The following ROBO1 variants were observed in gnomAD, a reference collection of about 807,000 sequenced individuals.
ROBO1 encodes the protein roundabout homolog 1.
Under a neutral mutation model 195.9 loss-of-function variants are expected in ROBO1, and 149 were observed. That is an observed-to-expected ratio of 0.76 (90% CI 0.67 to 0.87). The LOEUF (loss-of-function observed/expected upper bound fraction) is 0.87, where lower values mean the gene tolerates loss of function less well. Ranked by LOEUF, ROBO1 falls within the 40% of genes least tolerant of loss-of-function variation. ROBO1 has a pLI of 0.00. For synonymous variants in ROBO1, 816 were observed against 733.2 expected, an observed-to-expected ratio of 1.11 and a Z score of -1.82; for missense variants, 1,933 against 2,068.3, an observed-to-expected ratio of 0.93 and a Z score of 1.27.
chr3:78,691,049 T>G (rs9309813), intron 8 of ROBO1, among the ~76,000 whole-genome samples: 4,185 of 152,204 alleles, frequency 0.027, 185 homozygotes, highest in African/African-American at 0.096. Context: ...ACATCAACAG[T>G]GACATCAGCC....
chr3:78,891,991 C>A (rs72896497), intron 4 of ROBO1, among the ~76,000 whole-genome samples: 6,320 of 152,250 alleles, frequency 0.042, 381 homozygotes, highest in African/African-American at 0.13. Context: ...TGTTCTATTT[C>A]TTGACTTGTG....
intron 1 of ROBO1, among the ~76,000 whole-genome samples, chr3:79,609,877 G>T (rs1451504036): frequency 1.3e-5 from 2 of 151,818 alleles, no homozygotes; most frequent in African/African-American, 4.8e-5. Flanking sequence ...TGTTTAAAGG[G>T]TATATGATTT....
At chr3:79,651,660 C>T (rs1453918000) in intron 1 of ROBO1, among the ~76,000 whole-genome samples, 2 of 152,102 alleles carry the variant, frequency 1.3e-5, no homozygotes, top group African/African-American at 4.8e-5. Context: ...GCACTGCTTC[C>T]CTCCAGATTA....
chr3:79,093,375 A>G (rs1276124067), intron 3 of ROBO1, among the ~76,000 whole-genome samples: 1 of 152,136 alleles, frequency 6.6e-6, no homozygotes, highest in African/African-American at 2.4e-5. Context: ...GTTTACTAAA[A>G]TGTAAGTTAA....
chr3:78,754,069 GT>G (rs1467872684), intron 4 of ROBO1, among the ~76,000 whole-genome samples: 1 of 152,098 alleles, frequency 6.6e-6, no homozygotes, highest in Non-Finnish European at 1.5e-5. Flanking sequence ...TAACAGGTAC[GT>G]TCACAATGAC....
chr3:79,252,962 C>T (rs777548010), intron 2 of ROBO1, among the ~76,000 whole-genome samples: 4 of 152,106 alleles, frequency 2.6e-5, no homozygotes. Context: ...AACTGGCCTA[C>T]ATGAATCAGC....
At chr3:78,741,911 T>C (rs2082542252) in intron 5 of ROBO1, among the ~76,000 whole-genome samples, 1 of 152,152 alleles carries the variant, frequency 6.6e-6, no homozygotes, top group South Asian at 2.1e-4. Flanking sequence ...AAAAAAGTTC[T>C]AAAAGACTCT....
At chr3:79,504,976 A>G (rs1431610336) in intron 2 of ROBO1, among the ~76,000 whole-genome samples, 1 of 152,068 alleles carries the variant, frequency 6.6e-6, no homozygotes, top group Non-Finnish European at 1.5e-5. Context: ...TAGAAGGTAT[A>G]TCCCATTTTG....
At chr3:78,868,190 A>C (rs548466092) in intron 4 of ROBO1, among the ~76,000 whole-genome samples, 5 of 152,304 alleles carry the variant, frequency 3.3e-5, no homozygotes, top group African/African-American at 1.2e-4. Flanking sequence ...GGAGCTGCCA[A>C]GATGTGATAA....
intron 5 of ROBO1, among the ~76,000 whole-genome samples, chr3:78,729,880 T>C (rs1387875348): frequency 6.6e-6 from 1 of 152,226 alleles, no homozygotes; most frequent in East Asian, 1.9e-4. Context: ...TAATGTATTA[T>C]TTCCTTCACA....
intron 4 of ROBO1, among the ~76,000 whole-genome samples, chr3:78,769,618 G>GTTTTTTTTTTTTTTTTTTT (rs34157314): frequency 1.2e-5 from 1 of 84,006 alleles, no homozygotes; most frequent in African/African-American, 5.0e-5. Flanking sequence ...GTGTACTTTG[G>GTTTTTTTTTTTTTTTTTTT]TTTTTTTTTT....
At chr3:79,052,002 T>C (rs1277125069) in intron 3 of ROBO1, among the ~76,000 whole-genome samples, 2 of 152,228 alleles carry the variant, frequency 1.3e-5, no homozygotes, top group South Asian at 2.1e-4. Context: ...GTTTGAACAA[T>C]ATGAAATCTG....
intron 2 of ROBO1, among the ~76,000 whole-genome samples, chr3:79,138,130 T>C (rs1234699163): frequency 1.3e-5 from 2 of 152,062 alleles, no homozygotes; most frequent in African/African-American, 2.4e-5. Flanking sequence ...GAAATCAAGA[T>C]ACATTGAGAT....
At chr3:79,207,887 G>T (rs917357848) in intron 2 of ROBO1, among the ~76,000 whole-genome samples, 37 of 151,750 alleles carry the variant, frequency 2.4e-4, no homozygotes, top group Admixed American at 2.6e-4. Context: ...GGCATTCTGG[G>T]GCTTGAACAT....
intron 4 of ROBO1, among the ~76,000 whole-genome samples, chr3:78,821,314 T>C (rs905596743): frequency 3.5e-4 from 53 of 151,862 alleles, no homozygotes; most frequent in African/African-American, 1.2e-3. Context: ...TACAGGTGTG[T>C]ACCACCACGC....
intron 1 of ROBO1, among the ~76,000 whole-genome samples, chr3:79,610,723 G>T (rs2107917639): frequency 6.6e-6 from 1 of 152,100 alleles, no homozygotes. Context: ...TTGGCCTCAA[G>T]TGTCAGAAAC....
chr3:79,381,562 A>C (rs1179851719), intron 2 of ROBO1, among the ~76,000 whole-genome samples: 1 of 151,954 alleles, frequency 6.6e-6, no homozygotes, highest in Non-Finnish European at 1.5e-5. Context: ...TATTCCGCAT[A>C]TATTGAGCTG....
intron 21 of ROBO1, among the ~76,000 whole-genome samples, chr3:78,645,408 A>AT (rs796750939): frequency 0.024 from 3,432 of 142,798 alleles, 96 homozygotes; most frequent in African/African-American, 0.071. Context: ...TGGTTGGAAG[A>AT]TTTTTTTTTT....
intron 4 of ROBO1, among the ~76,000 whole-genome samples, chr3:78,915,317 G>A (rs2038494131): frequency 6.6e-6 from 1 of 152,040 alleles, no homozygotes; most frequent in African/African-American, 2.4e-5. Flanking sequence ...GAGATAAAAA[G>A]AAAAATTACC....
Sources: allele counts gnomAD v4.1 joint callset (sites outside exome capture counted in the v4.1 genomes callset), GRCh38; gene constraint gnomAD v4.1.1; transcripts MANE v1.5; gene names NCBI Gene and HGNC (gene_info 2026-07-23, HGNC 2026-07-21).